The following FAM149A variants were observed in gnomAD, a reference collection of about 807,000 sequenced individuals.
FAM149A encodes the protein family with sequence similarity 149 member A.
A neutral mutation model predicts 78.2 loss-of-function variants in FAM149A; 71 were observed. That is an observed-to-expected ratio of 0.91 (90% CI 0.75 to 1.11). The LOEUF (loss-of-function observed/expected upper bound fraction) is 1.11, where lower values mean the gene tolerates loss of function less well. Among genes scored for constraint, FAM149A ranks in the 50% least tolerant of loss-of-function variants. The probability of loss-of-function intolerance (pLI) is 0.00; values close to 1 mark genes in which losing one functional copy is unlikely to be tolerated. For synonymous variants in FAM149A, 446 were observed against 410.5 expected (o/e 1.09, Z -1.04); for missense variants, 1,036 against 971.0 (o/e 1.07, Z -0.89).
At position 186,146,081 on chromosome 4, in the gene FAM149A, G is replaced by A. The variant is rs541043581; in HGVS notation, c.567-3092G>A. On this transcript the variant is annotated intron_variant, in intron 1 of 13. Transcript: ENST00000389354. ...TGTTAGTAACTTGTGCCACTGGAGA[G>A]ACAGGCAGGTCAGTGGCCTGGTTCC... 9.9e-5 allele frequency among the ~76,000 whole-genome samples: 15 copies of A among 152,278 alleles called. No individual in the cohort carries two copies. In the South Asian group the frequency reaches 2.7e-3, roughly 27 times the overall value.
chr4:186,154,347 C>T, intron 5 of FAM149A, 121 bp from the exon 6 acceptor site: 4 of 766,780 alleles, frequency 5.2e-6, no homozygotes, highest in Non-Finnish European at 7.9e-6. Flanking sequence ...TAATATTCAA[C>T]CGTTTTGGGA....
chr4:186,116,534 G>T, intron 1 of FAM149A: 1 of 985,146 alleles, frequency 1.0e-6, no homozygotes, highest in South Asian at 4.7e-5. Context: ...AAACAATTTT[G>T]TTCTGTCTTA....
chr4:186,161,757 A>C (rs1734625894), intron 8 of FAM149A, among the ~76,000 whole-genome samples: 1 of 152,242 alleles, frequency 6.6e-6, no homozygotes, highest in African/African-American at 2.4e-5. Context: ...GCCTGCTTTG[A>C]AATACTCAAG....
intron 1 of FAM149A, chr4:186,116,372 G>T: frequency 1.6e-6 from 1 of 609,216 alleles, no homozygotes; most frequent in Non-Finnish European, 2.1e-6. Flanking sequence ...CTCACGCTGG[G>T]AGCTGTAGAC....
Position 186,149,703 on chromosome 4 carries a change from A to G in FAM149A, c.788A>G (p.Asp263Gly). The G allele has an allele frequency of 7.8e-7, 1 of 1,274,722 alleles. No homozygotes were observed. Among genetic ancestry groups the G allele is most frequent in the African/African-American group, 1.5e-5 (1 of 65,168 alleles). 79.0% of individuals were successfully genotyped at this position (1,274,722 alleles called of 1,614,324 possible). ...GGCTCCGTTTATTCCTGGAGAGATG[A>G]CGTATGTCTCAGAATATTTTGGATA... Residue 263 changes from aspartate to glycine, a missense_variant and splice_region_variant, in exon 3 of 14, where the codon GAC (aspartate) becomes GGC (glycine). Coordinates refer to ENST00000389354, the MANE Select transcript of FAM149A (RefSeq NM_001367768.3).
intron 7 of FAM149A, 137 bp from the exon 8 acceptor site, chr4:186,157,428 C>T: frequency 1.2e-6 from 1 of 827,374 alleles, no homozygotes; most frequent in Non-Finnish European, 1.9e-6. Flanking sequence ...CTCTGCCCTC[C>T]GTGGTAACAT....
chr4:186,159,372 C>T (rs901161090), intron 8 of FAM149A, among the ~76,000 whole-genome samples: 1 of 151,974 alleles, frequency 6.6e-6, no homozygotes, highest in Non-Finnish European at 1.5e-5. Flanking sequence ...GAGCAAGGCT[C>T]TTGTGGGAGA....
At chr4:186,158,457 C>G in intron 8 of FAM149A, 1 of 1,135,784 alleles carries the variant, frequency 8.8e-7, no homozygotes, top group Non-Finnish European at 1.1e-6. Context: ...CCCAGGAACA[C>G]CCATGGGAGT....
chr4:186,154,532 G>A lies in FAM149A; in HGVS notation c.1123G>A (p.Asp375Asn). 1 of 1,614,140 alleles carries A rather than the reference G, an allele frequency of 6.2e-7. No homozygotes were observed. The highest frequency in any genetic ancestry group is 8.5e-7 in the Non-Finnish European group (1 of 1,179,994). The change falls in exon 6 of 14, where the codon GAT (aspartate) becomes AAT (asparagine). Residue 375 changes from aspartate to asparagine, a missense_variant. This residue lies in a region of FAM149A where 716 missense variants were observed against 711.8 expected (regional missense o/e 1.01). Transcript: ENST00000389354. ...CTCAGCCTCTGCCCTGCCAGGCCCT[G>A]ATGACACAGGGGTTGCTGACCTAAC...
intron 1 of FAM149A, chr4:186,109,318 T>G: frequency 1.4e-6 from 1 of 727,760 alleles, no homozygotes; most frequent in Non-Finnish European, 1.7e-6. Flanking sequence ...ACTCTTTTTT[T>G]TTTTGAGTGA....
chr4:186,150,952 C>T (rs1278219358), intron 3 of FAM149A: 9 of 764,046 alleles, frequency 1.2e-5, no homozygotes, highest in Middle Eastern at 6.6e-4. Flanking sequence ...GAACTCCTGA[C>T]GTTGTGATCC....
intron 1 of FAM149A, among the ~76,000 whole-genome samples, chr4:186,141,828 T>A (rs532515026): frequency 1.3e-5 from 2 of 152,254 alleles, no homozygotes; most frequent in East Asian, 3.9e-4. Context: ...CATAAGAGAA[T>A]TGGCCCCCGG....
chr4:186,141,148 G>A (rs1579849714), intron 1 of FAM149A, among the ~76,000 whole-genome samples: 2 of 152,160 alleles, frequency 1.3e-5, no homozygotes, highest in Non-Finnish European at 2.9e-5. Flanking sequence ...GTCTTCTTTT[G>A]AAAAGTGTCT....
chr4:186,160,026 ACACACCCCACACAAACACAC>A (rs557247348), intron 8 of FAM149A, among the ~76,000 whole-genome samples: 1 of 141,820 alleles, frequency 7.1e-6, no homozygotes, highest in African/African-American at 2.6e-5. Context: ...CCACACAAAC[ACACACCCCACACAAACACAC>A]CACATACCAT....
chr4:186,136,828 T>C (rs1263600519), intron 1 of FAM149A, among the ~76,000 whole-genome samples: 3 of 152,192 alleles, frequency 2.0e-5, no homozygotes, highest in Admixed American at 2.0e-4. Context: ...AGAAGGTGGC[T>C]CTGCCTTTCC....
At position 186,163,603 on chromosome 4, in the gene FAM149A, A is replaced by G. The variant is rs370764927; in HGVS notation, c.1859A>G (p.Tyr620Cys). ...CAGAGACTAAAAACTCCCAACATCTATAGTGACGAAGTTCTTCGGGGAACA... is the reference window on the plus strand; with the variant it reads ...CAGAGACTAAAAACTCCCAACATCTGTAGTGACGAAGTTCTTCGGGGAACA... Residue 620 changes from tyrosine to cysteine, a missense_variant, in exon 10 of 14, where the codon TAT (tyrosine) becomes TGT (cysteine). Physicochemically the swap from Tyr to Cys is radical, Grantham distance 194. This residue lies in a region of FAM149A where 716 missense variants were observed against 711.8 expected (regional missense o/e 1.01). Transcript: ENST00000389354. 102 of 1,614,062 alleles carry G rather than the reference A, an allele frequency of 6.3e-5. No homozygotes were observed. The highest frequency in any genetic ancestry group is 9.9e-5 in the South Asian group (9 of 91,078).
At chr4:186,153,317 C>A in intron 4 of FAM149A, 2 of 925,704 alleles carry the variant, frequency 2.2e-6, no homozygotes, top group Non-Finnish European at 2.6e-6. Flanking sequence ...TCTTTGTGCC[C>A]AGTGTTGCCT....
chr4:186,148,999 G>GGTGTGTGTGTGT (rs70964919), intron 1 of FAM149A, among the ~76,000 whole-genome samples, 174 bp from the exon 2 acceptor site: 14 of 148,090 alleles, frequency 9.5e-5, no homozygotes, highest in African/African-American at 3.2e-4. Flanking sequence ...ATCAGGATGG[G>GGTGTGTGTGTGT]GTGTGTGTGT....
intron 6 of FAM149A, among the ~76,000 whole-genome samples, chr4:186,155,156 C>T (rs1048370489): frequency 2.0e-5 from 3 of 152,136 alleles, no homozygotes; most frequent in Non-Finnish European, 4.4e-5. Flanking sequence ...TTAGTAGAGA[C>T]GGGGTTTCAC....
Sources: gnomAD v4.1 joint callset for allele counts (sites outside exome capture counted in the v4.1 genomes callset) on GRCh38, gnomAD v4.1.1 for gene constraint, gnomAD v4.1.1 regional missense constraint, MANE v1.5 for transcripts, NCBI Gene and HGNC (gene_info 2026-07-23, HGNC 2026-07-21) for gene names.